TNKS: variants seen among roughly 807,000 people sequenced by gnomAD.
TNKS encodes the protein poly [ADP-ribose] polymerase tankyrase-1.
Under a neutral mutation model 135.8 loss-of-function variants are expected in TNKS, and 72 were observed. The ratio of observed to expected loss-of-function variants is 0.53; its 90% CI spans 0.44 to 0.64. TNKS has a LOEUF of 0.64. Ranked by LOEUF, TNKS falls within the 30% of genes least tolerant of loss-of-function variation. The pLI, the probability that TNKS is intolerant of heterozygous loss-of-function variation, is 0.00. For synonymous variants in TNKS, 849 were observed against 649.3 expected (o/e 1.31, Z -4.68); for missense variants, 1,769 against 1,674.0 (o/e 1.06, Z -0.99).
At position 9,580,794 on chromosome 8, in the gene TNKS, T is replaced by C. The variant is rs550415668; in HGVS notation, c.898+411T>C. The stretch of plus-strand genomic sequence containing the variant: ...CATCTAGTATAGTAGTCCCCCCGCT[T>C]ATATGGGGTTTTGAGTGTTTTGAAT... On this transcript the variant is annotated intron_variant, in intron 2 of 26. Coordinates refer to ENST00000310430, the MANE Select transcript of TNKS (RefSeq NM_003747.3). Among the ~76,000 whole-genome samples, 61 of 152,252 alleles carry C rather than the reference T, an allele frequency of 4.0e-4. No homozygotes were observed. In the South Asian group the frequency reaches 0.012, roughly 31 times the overall value.
intron 11 of TNKS, among the ~76,000 whole-genome samples, chr8:9,718,696 C>T (rs1804726090): frequency 6.6e-6 from 1 of 152,122 alleles, no homozygotes; most frequent in African/African-American, 2.4e-5. Context: ...TATGTTTTAC[C>T]TCTAAAACTG....
At chr8:9,774,426 TAAG>T (rs1189541106) in intron 26 of TNKS, among the ~76,000 whole-genome samples, 1 of 152,172 alleles carries the variant, frequency 6.6e-6, no homozygotes, top group African/African-American at 2.4e-5. Context: ...GGATTTGGAT[TAAG>T]AAGAAAATTC....
At chr8:9,767,577 C>T (rs1185851485) in intron 25 of TNKS, among the ~76,000 whole-genome samples, 2 of 152,144 alleles carry the variant, frequency 1.3e-5, no homozygotes, top group East Asian at 3.8e-4. Context: ...GTGTTTTGAA[C>T]AAAATTATTG....
At chr8:9,775,653 G>T (rs1044725502) in intron 26 of TNKS, among the ~76,000 whole-genome samples, 4 of 150,954 alleles carry the variant, frequency 2.6e-5, no homozygotes, top group African/African-American at 9.7e-5. Context: ...TAAGACTTTT[G>T]CATTTAGTTC....
chr8:9,744,131 A>T (rs1487792168), intron 17 of TNKS, among the ~76,000 whole-genome samples: 1 of 152,206 alleles, frequency 6.6e-6, no homozygotes, highest in Non-Finnish European at 1.5e-5. Context: ...AGAAGCATCA[A>T]TAAAAATTAC....
At chr8:9,732,770 T>A (rs1805508314) in intron 14 of TNKS, among the ~76,000 whole-genome samples, 1 of 152,186 alleles carries the variant, frequency 6.6e-6, no homozygotes, top group African/African-American at 2.4e-5. Context: ...AACTTATAGT[T>A]GACATCGTCA....
intron 26 of TNKS, among the ~76,000 whole-genome samples, chr8:9,772,793 A>ATG (rs139275418): frequency 0.01 from 1,252 of 123,860 alleles, 57 homozygotes; most frequent in Admixed American, 0.084. Context: ...TTTGGGGAGA[A>ATG]TGTGTGTGTG....
At chr8:9,654,832 C>T (rs181587835) in intron 3 of TNKS, among the ~76,000 whole-genome samples, 186 of 152,302 alleles carry the variant, frequency 1.2e-3, no homozygotes, top group African/African-American at 4.0e-3. Flanking sequence ...ACACAGAAGA[C>T]GGGCGATTTC....
intron 18 of TNKS, among the ~76,000 whole-genome samples, chr8:9,750,424 G>A (rs1041916054): frequency 6.6e-6 from 1 of 152,196 alleles, no homozygotes; most frequent in Non-Finnish European, 1.5e-5. Context: ...CAGTCCAGTT[G>A]ACAAGGCAGA....
intron 3 of TNKS, among the ~76,000 whole-genome samples, chr8:9,633,937 A>C (rs1175122511): frequency 6.6e-6 from 1 of 152,162 alleles, no homozygotes; most frequent in Admixed American, 6.5e-5. Flanking sequence ...TCATCCAGCT[A>C]ACCATTCCCA....
At chr8:9,740,447 C>G (rs144619212) in intron 17 of TNKS, among the ~76,000 whole-genome samples, 3,414 of 152,276 alleles carry the variant, frequency 0.022, 82 homozygotes, top group African/African-American at 0.063. Flanking sequence ...CTCCCTGGCC[C>G]TTTGTAATGA....
intron 2 of TNKS, among the ~76,000 whole-genome samples, chr8:9,608,636 A>G (rs115528939): frequency 6.6e-6 from 1 of 152,138 alleles, no homozygotes; most frequent in African/African-American, 2.4e-5. Context: ...ACTCCTTCAC[A>G]GACATCTGGG....
chr8:9,652,294 G>T (rs963070656), intron 3 of TNKS, among the ~76,000 whole-genome samples: 3 of 152,130 alleles, frequency 2.0e-5, no homozygotes, highest in Non-Finnish European at 4.4e-5. Context: ...TCTCAATAAG[G>T]TTCTATCTTT....
At chr8:9,683,159 T>G (rs1384138220) in intron 5 of TNKS, among the ~76,000 whole-genome samples, 6 of 152,068 alleles carry the variant, frequency 3.9e-5, no homozygotes, top group Admixed American at 2.6e-4. Flanking sequence ...TCTTATTAAA[T>G]GTACCAGTTG....
At chr8:9,765,270 G>A (rs1807367144) in intron 23 of TNKS, among the ~76,000 whole-genome samples, 3 of 152,042 alleles carry the variant, frequency 2.0e-5, no homozygotes, top group Admixed American at 2.0e-4. Flanking sequence ...AATAAAACCT[G>A]TAGAGAACTG....
Position 9,710,169 on chromosome 8 carries a change from C to T in TNKS, c.1698C>T (p.Ala566=), listed in dbSNP as rs751443144. 25 of 1,614,028 alleles carry T rather than the reference C, an allele frequency of 1.5e-5. No homozygotes were observed. The highest frequency in any genetic ancestry group is 1.6e-4 in the Middle Eastern group (1 of 6,084). Residue 566 remains alanine (A), a synonymous_variant, in exon 11 of 27, where the codon GCC becomes GCT. Transcript: ENST00000310430. ...TCATGACTCCCCTGCATGTTGCAGC[C>T]GAAAGAGCCCATAATGATGTCATGG... The part of the protein sequence containing the change: ...KDFMTPLHVA[A]ERAHNDVMEV...
intron 17 of TNKS, among the ~76,000 whole-genome samples, chr8:9,735,908 A>T (rs952273058): frequency 7.9e-5 from 12 of 152,094 alleles, no homozygotes; most frequent in African/African-American, 2.9e-4. Flanking sequence ...AACTAATAGC[A>T]TGATTTAGCA....
chr8:9,581,013 C>G (rs1266374898), intron 2 of TNKS, among the ~76,000 whole-genome samples: 1 of 152,092 alleles, frequency 6.6e-6, no homozygotes, highest in South Asian at 2.1e-4. Flanking sequence ...ATCTAAAAAG[C>G]TTCTAGAGGG....
At chr8:9,684,120 T>C (rs1450957656) in intron 5 of TNKS, among the ~76,000 whole-genome samples, 1 of 151,986 alleles carries the variant, frequency 6.6e-6, no homozygotes, top group Non-Finnish European at 1.5e-5. Context: ...CCCAGTATGA[T>C]TAGTCATAAC....
Sources: gnomAD v4.1 joint callset for allele counts (sites outside exome capture counted in the v4.1 genomes callset) on GRCh38, gnomAD v4.1.1 for gene constraint, MANE v1.5 for transcripts, NCBI Gene and HGNC (gene_info 2026-07-23, HGNC 2026-07-21) for gene names.